The following NCOR1 variants were observed in gnomAD, a reference collection of about 807,000 sequenced individuals.
NCOR1 encodes protein phosphatase 1, regulatory subunit 109.
NCOR1 carries 63 observed loss-of-function variants against 288.1 expected under a neutral mutation model. The ratio of observed to expected loss-of-function variants is 0.22; its 90% CI spans 0.18 to 0.27. NCOR1 has a LOEUF of 0.27. NCOR1 is among the 10% of genes least tolerant of loss of function. The pLI, the probability that NCOR1 is intolerant of heterozygous loss-of-function variation, is 1.00. For synonymous variants in NCOR1, 1,007 were observed against 1,065.9 expected, an observed-to-expected ratio of 0.94 and a Z score of 1.08; for missense variants, 2,397 against 3,019.2, an observed-to-expected ratio of 0.79 and a Z score of 4.83.
intron 18 of NCOR1, among the ~76,000 whole-genome samples, chr17:16,111,948 C>A (rs1395570921): frequency 6.6e-6 from 1 of 152,170 alleles, no homozygotes; most frequent in African/African-American, 2.4e-5. Context: ...CGGCTCACTG[C>A]AAGCTCCGGC....
intron 29 of NCOR1, among the ~76,000 whole-genome samples, 164 bp from the exon 30 acceptor site, chr17:16,071,829 G>T (rs1354302093): frequency 6.6e-6 from 1 of 152,022 alleles, no homozygotes; most frequent in African/African-American, 2.4e-5. Context: ...TTAACTTTCT[G>T]TTTACAGTAG....
chr17:16,212,035 T>G (rs1455893300), intron 1 of NCOR1, among the ~76,000 whole-genome samples: 1 of 152,130 alleles, frequency 6.6e-6, no homozygotes, highest in African/African-American at 2.4e-5. Context: ...CCCAGCACTT[T>G]GGGAGGCCAA....
chr17:16,083,231 T>C (rs2063671615), intron 23 of NCOR1, among the ~76,000 whole-genome samples: 1 of 147,250 alleles, frequency 6.8e-6, no homozygotes, highest in Non-Finnish European at 1.5e-5. Flanking sequence ...AGACTCTGTC[T>C]CAAAAAAAGG....
At chr17:16,164,630 A>C (rs890859755) in intron 5 of NCOR1, among the ~76,000 whole-genome samples, 1 of 152,216 alleles carries the variant, frequency 6.6e-6, no homozygotes, top group Non-Finnish European at 1.5e-5. Context: ...CATCTATTAA[A>C]TAGTTCACTG....
chr17:16,143,732 G>A, intron 10 of NCOR1, 36 bp from the exon 11 acceptor site: 2 of 1,453,168 alleles, frequency 1.4e-6, no homozygotes, highest in Non-Finnish European at 1.9e-6. Context: ...TATATTTAAA[G>A]ACCTTATATA....
chr17:16,166,343 T>G (rs1369625259), intron 4 of NCOR1, among the ~76,000 whole-genome samples: 1 of 152,160 alleles, frequency 6.6e-6, no homozygotes, highest in Non-Finnish European at 1.5e-5. Flanking sequence ...TGTAAATCCT[T>G]GAGGTCATTG....
Position 16,098,508 on chromosome 17 carries a change from A to G in NCOR1, c.2691-12T>C, listed in dbSNP as rs773382258. 1.9e-6 allele frequency: 3 copies of G among 1,595,920 alleles called. No homozygotes were observed. The highest frequency in any genetic ancestry group is 1.4e-5 in the African/African-American group (1 of 73,906). ...CCATAGGAAACATTCTGCAATTGCA[A>G]TTTAAAAAAAAGATAAATGAATACA... On this transcript the variant is annotated splice_polypyrimidine_tract_variant and intron_variant, in intron 20 of 45. Transcript: ENST00000268712.
chr17:16,204,201 G>C (rs1170423162), intron 1 of NCOR1, among the ~76,000 whole-genome samples: 1 of 152,108 alleles, frequency 6.6e-6, no homozygotes, highest in Non-Finnish European at 1.5e-5. Context: ...TTTAGTAAAT[G>C]ACAAAAGCTG....
Position 16,165,168 on chromosome 17 carries a change from A to G in NCOR1, c.436-7T>C. On this transcript the variant is annotated splice_polypyrimidine_tract_variant and splice_region_variant and intron_variant, in intron 4 of 45. Transcript: ENST00000268712. ...TGCCTCCGAATGCTGGATCCTTTAGAGAATAAAACCAAGAAAAACAATTTA... is the reference window on the plus strand; with the variant it reads ...TGCCTCCGAATGCTGGATCCTTTAGGGAATAAAACCAAGAAAAACAATTTA... 6.3e-7 allele frequency: 1 copy of G among 1,576,238 alleles called. No individual in the cohort carries two copies. The highest frequency in any genetic ancestry group is 8.5e-7 in the Non-Finnish European group (1 of 1,170,484).
intron 18 of NCOR1, among the ~76,000 whole-genome samples, chr17:16,114,644 TC>T (rs142472952): frequency 0.011 from 1,654 of 152,270 alleles, 36 homozygotes; most frequent in African/African-American, 0.037. Context: ...TCTATCCAAG[TC>T]CAAAATCCAG....
At chr17:16,039,382 C>T in intron 44 of NCOR1, 51 bp downstream of exon 44, 1 of 1,555,218 alleles carries the variant, frequency 6.4e-7, no homozygotes, top group Non-Finnish European at 8.8e-7. Flanking sequence ...GGGAAATAAA[C>T]TGGCTTTTTT....
intron 3 of NCOR1, among the ~76,000 whole-genome samples, chr17:16,173,311 A>T (rs1312703810): frequency 6.6e-6 from 1 of 152,194 alleles, no homozygotes; most frequent in African/African-American, 2.4e-5. Flanking sequence ...TCAGAGTGAC[A>T]TCACAAAAAA....
At chr17:16,047,225 C>T in intron 41 of NCOR1, 132 bp from the exon 42 acceptor site, 6 of 881,304 alleles carry the variant, frequency 6.8e-6, no homozygotes. Flanking sequence ...TGGTTACAGC[C>T]CTAAGAAACA....
At chr17:16,058,749 T>A (rs1005163070) in intron 37 of NCOR1, 150 bp from the exon 38 acceptor site, 54 of 806,582 alleles carry the variant, frequency 6.7e-5, no homozygotes, top group Non-Finnish European at 1.0e-4. Flanking sequence ...TTTTATGGGC[T>A]TTAAGACATG....
intron 16 of NCOR1, 99 bp downstream of exon 16, chr17:16,120,953 T>C: frequency 9.1e-7 from 1 of 1,096,654 alleles, no homozygotes; most frequent in Non-Finnish European, 1.3e-6. Context: ...GGATTATTTC[T>C]AGGTTGTCAA....
At chr17:16,187,913 A>G (rs371602469) in intron 2 of NCOR1, among the ~76,000 whole-genome samples, 29 of 151,704 alleles carry the variant, frequency 1.9e-4, no homozygotes, top group African/African-American at 5.6e-4. Context: ...AAAAAAAAAA[A>G]AAAGAAAGAA....
intron 1 of NCOR1, among the ~76,000 whole-genome samples, chr17:16,204,256 G>A (rs1178796060): frequency 6.6e-6 from 1 of 152,164 alleles, no homozygotes; most frequent in Non-Finnish European, 1.5e-5. Flanking sequence ...ACTAAATGGT[G>A]CTGACACAAC....
chr17:16,035,597 A>T (rs1366951915), intron 44 of NCOR1, among the ~76,000 whole-genome samples: 1 of 146,566 alleles, frequency 6.8e-6, no homozygotes, highest in Non-Finnish European at 1.5e-5. Flanking sequence ...CTGCAGTGGC[A>T]CAATCACGGC....
At chr17:16,127,824 A>C (rs768227033) in intron 14 of NCOR1, among the ~76,000 whole-genome samples, 1 of 151,626 alleles carries the variant, frequency 6.6e-6, no homozygotes, top group Non-Finnish European at 1.5e-5. Context: ...GAGTGTTGGA[A>C]CATATCCCCT....
Sources: gnomAD v4.1 joint callset for allele counts (sites outside exome capture counted in the v4.1 genomes callset) on GRCh38, gnomAD v4.1.1 for gene constraint, MANE v1.5 for transcripts, NCBI Gene and HGNC (gene_info 2026-07-23, HGNC 2026-07-21) for gene names.